FBRSL1: variants seen among roughly 807,000 people sequenced by gnomAD.
FBRSL1 encodes fibrosin-1-like protein.
A neutral mutation model predicts 89.6 loss-of-function variants in FBRSL1; 51 were observed. The ratio of observed to expected loss-of-function variants is 0.57; its 90% CI spans 0.45 to 0.72. The LOEUF is 0.72. Ranked by LOEUF, FBRSL1 falls within the 30% of genes least tolerant of loss-of-function variation. The pLI is 0.00. For synonymous variants in FBRSL1, 779 were observed against 681.1 expected (o/e 1.14, Z -2.24); for missense variants, 1,618 against 1,451.8 (o/e 1.11, Z -1.86).
intron 5 of FBRSL1, among the ~76,000 whole-genome samples, chr12:132,555,742 T>C (rs1051046416): frequency 2.0e-4 from 31 of 152,340 alleles, no homozygotes; most frequent in African/African-American, 6.5e-4. Context: ...TGGCCCCTCC[T>C]GTGTGTGTGT....
In FBRSL1 at chr12:132,572,605, G is replaced by A; in HGVS notation, c.1513G>A (p.Gly505Ser). 1 of 1,550,722 alleles carries A rather than the reference G, an allele frequency of 6.4e-7. No homozygotes were observed. The highest frequency in any genetic ancestry group is 8.7e-7 in the Non-Finnish European group (1 of 1,146,806). ...CCCCGGCCCCTTCGGGTCCCTGCAGGGCGCTTTTCAGCCTAAGGTACCGCT... is the reference window on the plus strand; with the variant it reads ...CCCCGGCCCCTTCGGGTCCCTGCAGAGCGCTTTTCAGCCTAAGGTACCGCT... ...PHPGPFGSLQ[G>S]AFQPKTSSPI... is the part of the protein sequence containing the mutation. The change falls in exon 11 of 19, where the codon GGC becomes AGC. Residue 505 changes from glycine to serine, a missense_variant. Transcript: ENST00000680143.
intron 5 of FBRSL1, among the ~76,000 whole-genome samples, chr12:132,548,780 C>G (rs1566182179): frequency 6.6e-6 from 1 of 152,220 alleles, no homozygotes; most frequent in Non-Finnish European, 1.5e-5. Flanking sequence ...CCCGGGGGCA[C>G]CTGGACGGGG....
rs1431568380 is a variant in FBRSL1, at chr12:132,584,677, GCGGCTCCTGTGGGCTTCAGGACTGGC to G, written c.*907_*932del. On this transcript the variant is annotated 3_prime_UTR_variant, in exon 19 of 19. Transcript: ENST00000680143. ...TGGGCCAGCAGAACAGCACTCCTGG[GCGGCTCCTGTGGGCTTCAGGACTGGC>G]CGGCTCCAGCCGCAAGGGCGATGCT... 22 of 152,366 alleles carry G rather than the reference GCGGCTCCTGTGGGCTTCAGGACTGGC, an allele frequency of 1.4e-4. No individual in the cohort carries two copies. Among genetic ancestry groups the G allele is most frequent in the African/African-American group, 5.3e-4 (22 of 41,458 alleles). The allele number at this position is 152,366 out of a possible 1,614,324, so 9.4% of individuals were successfully genotyped here. A position where few individuals can be genotyped will look rare whatever the true frequency, so the allele number is the denominator to read the frequency against.
intron 5 of FBRSL1, among the ~76,000 whole-genome samples, chr12:132,548,612 T>G (rs2037892979): frequency 1.3e-5 from 2 of 152,198 alleles, no homozygotes; most frequent in South Asian, 2.1e-4. Context: ...GGGGCTCTCC[T>G]TCTGCCCCGC....
chr12:132,568,437 G>A (rs2039780971), intron 6 of FBRSL1, among the ~76,000 whole-genome samples: 1 of 152,400 alleles, frequency 6.6e-6, no homozygotes, highest in South Asian at 2.1e-4. Flanking sequence ...ATGGGGTGGT[G>A]TCAGAAGGGG....
At chr12:132,579,452 A>G (rs1433639259) in intron 15 of FBRSL1, among the ~76,000 whole-genome samples, 1 of 152,274 alleles carries the variant, frequency 6.6e-6, no homozygotes, top group African/African-American at 2.4e-5. Flanking sequence ...AGCTGTTGCT[A>G]GAAAACAGAA....
At chr12:132,509,522 C>G (rs921553070) in intron 2 of FBRSL1, 9 of 1,234,934 alleles carry the variant, frequency 7.3e-6, no homozygotes, top group Non-Finnish European at 9.1e-6. Context: ...ATTGGGCACT[C>G]CCAGGCCCCA....
At chr12:132,492,032 C>T (rs1018917224) in intron 1 of FBRSL1, among the ~76,000 whole-genome samples, 3 of 152,152 alleles carry the variant, frequency 2.0e-5, no homozygotes, top group Non-Finnish European at 4.4e-5. Context: ...TGTGCTGGGA[C>T]GGGATGGCCC....
chr12:132,564,556 T>C (rs556777845), intron 5 of FBRSL1, among the ~76,000 whole-genome samples: 50,487 of 112,266 alleles, frequency 0.45, 11,018 homozygotes, highest in East Asian at 0.83. Flanking sequence ...AGTCCAGTGG[T>C]ACGATCTCAG....
Position 132,499,953 on chromosome 12 carries a change from G to A in FBRSL1, c.292-8200G>A, listed in dbSNP as rs1012066554. On this transcript the variant is annotated intron_variant, in intron 1 of 18. Transcript: ENST00000680143. The surrounding 1 kb of genome is among the most constrained non-coding windows in gnomAD (Gnocchi z 4.3). ...TGGGGTTCCCCAGAGCTGTGCTGGC[G>A]TCAGGGAGGAGGCTGGGTGGGCTAC... Among the ~76,000 whole-genome samples, 7 of 152,104 alleles carry A rather than the reference G, an allele frequency of 4.6e-5. No homozygotes were observed. The highest frequency in any genetic ancestry group is 2.6e-4 in the Admixed American group (4 of 15,276).
At chr12:132,552,073 C>A in intron 5 of FBRSL1, 2 of 199,748 alleles carry the variant, frequency 1.0e-5, no homozygotes, top group South Asian at 9.5e-5. Context: ...GGGCCGACCC[C>A]GCAGGCAGCC....
chr12:132,551,080 C>T (rs189745818), intron 5 of FBRSL1: 11 of 316,474 alleles, frequency 3.5e-5, no homozygotes, highest in East Asian at 7.9e-5. Flanking sequence ...TGTGCGAGGC[C>T]GGCACCCCTG....
Position 132,490,218 on chromosome 12 carries a change from T to TGCCCGCCGGCCGCCTG in FBRSL1, c.-353_-352insGCCCGCCGGCCGCCTG, listed in dbSNP as rs201294644. 3 of 145,384 alleles carry TGCCCGCCGGCCGCCTG rather than the reference T, an allele frequency of 2.1e-5. No homozygotes were observed. The highest frequency in any genetic ancestry group is 4.6e-5 in the Non-Finnish European group (3 of 65,518). The allele number at this position is 145,384 out of a possible 1,614,324, so 9.0% of individuals were successfully genotyped here. A position where few individuals can be genotyped will look rare whatever the true frequency, so the allele number is the denominator to read the frequency against. On this transcript the variant is annotated 5_prime_UTR_variant, in exon 1 of 19. Coordinates refer to ENST00000680143, the MANE Select transcript of FBRSL1 (RefSeq NM_001367871.1). ...CCCGGTGCCCAGGAGCCCGGCCGCC[T>TGCCCGCCGGCCGCCTG]CCCGCCTGCCGCCTGCCGCGCCCGC...
chr12:132,548,138 TGGG>T lies in FBRSL1; in HGVS notation c.645+110_645+112del, dbSNP rs1215655111. ...GGAGACCAGGCAGAAGATCGGGCCT[TGGG>T]GGGATCCCCCCGCCCGGTGGGTGCA... On this transcript the variant is annotated intron_variant, in intron 5 of 18. Coordinates refer to ENST00000680143, the MANE Select transcript of FBRSL1 (RefSeq NM_001367871.1). The T allele has an allele frequency of 2.0e-5, 27 of 1,375,424 alleles. No individual in the cohort carries two copies. The South Asian group carries it at 3.5e-4, about 18-fold the overall frequency. 85.2% of individuals were successfully genotyped at this position (1,375,424 alleles called of 1,614,324 possible).
At chr12:132,533,579 C>T (rs1566156603) in intron 4 of FBRSL1, among the ~76,000 whole-genome samples, 1 of 152,264 alleles carries the variant, frequency 6.6e-6, no homozygotes, top group African/African-American at 2.4e-5. Flanking sequence ...ATGTCCTCGC[C>T]CCATGGTGGG....
chr12:132,577,932 C>T (rs1355133702), intron 15 of FBRSL1, among the ~76,000 whole-genome samples: 1 of 152,254 alleles, frequency 6.6e-6, no homozygotes, highest in African/African-American at 2.4e-5. Context: ...TACACATCCA[C>T]ATCCACGCGT....
intron 1 of FBRSL1, among the ~76,000 whole-genome samples, chr12:132,503,407 T>C (rs529841821): frequency 9.2e-5 from 14 of 152,290 alleles, no homozygotes; most frequent in African/African-American, 3.1e-4. Context: ...GTGCGTGATG[T>C]GGGGTCCCCA....
At chr12:132,535,407 C>T (rs541293485) in intron 4 of FBRSL1, among the ~76,000 whole-genome samples, 3 of 152,180 alleles carry the variant, frequency 2.0e-5, no homozygotes, top group African/African-American at 4.8e-5. Context: ...GCTGTGGGGA[C>T]GTAGAGGGAG....
intron 4 of FBRSL1, among the ~76,000 whole-genome samples, chr12:132,541,275 A>G (rs892336633): frequency 2.0e-5 from 3 of 152,172 alleles, no homozygotes; most frequent in Admixed American, 6.5e-5. Flanking sequence ...GTCAGGTGCA[A>G]ATCCACTCAG....
Sources: gnomAD v4.1 joint callset for allele counts (sites outside exome capture counted in the v4.1 genomes callset) on GRCh38, gnomAD v4.1.1 for gene constraint, Gnocchi (gnomAD v3.1) non-coding constraint, MANE v1.5 for transcripts, NCBI Gene and HGNC (gene_info 2026-07-23, HGNC 2026-07-21) for gene names.